Variants in STPG2 observed in about 807,000 individuals in gnomAD.
The protein encoded by STPG2 is sperm tail PG-rich repeat containing 2.
In STPG2, 56 loss-of-function variants were observed where a neutral mutation model predicts 54.2. The ratio of observed to expected loss-of-function variants is 1.03; its 90% confidence interval spans 0.83 to 1.29. The LOEUF (loss-of-function observed/expected upper bound fraction) is 1.29, where lower values mean the gene tolerates loss of function less well. STPG2 is among the 50% of genes most tolerant of loss of function. The pLI is 0.00. For synonymous variants in STPG2, 200 were observed against 181.8 expected (o/e 1.10, Z -0.81); for missense variants, 596 against 544.9 (o/e 1.09, Z -0.93).
intron 4 of STPG2, among the ~76,000 whole-genome samples, chr4:97,483,839 C>T (rs762932950): frequency 6.6e-6 from 1 of 151,802 alleles, no homozygotes; most frequent in Non-Finnish European, 1.5e-5. Flanking sequence ...AAACAAGCCT[C>T]ATTAAATTTA....
intron 4 of STPG2, among the ~76,000 whole-genome samples, chr4:97,531,019 A>T (rs1340273728): frequency 6.6e-6 from 1 of 152,230 alleles, no homozygotes; most frequent in Non-Finnish European, 1.5e-5. Flanking sequence ...AAAATTTTAT[A>T]ATCTGATTTA....
At chr4:97,485,743 C>T (rs926690054) in intron 4 of STPG2, among the ~76,000 whole-genome samples, 3 of 151,790 alleles carry the variant, frequency 2.0e-5, no homozygotes, top group Non-Finnish European at 3.0e-5. Context: ...CAATGCAAGA[C>T]TAAGCAAAAA....
At chr4:98,021,467 G>C (rs1168334726) in intron 5 of STPG2, among the ~76,000 whole-genome samples, 2 of 151,820 alleles carry the variant, frequency 1.3e-5, no homozygotes, top group Non-Finnish European at 1.5e-5. Context: ...AATAGGTGTG[G>C]TGTGATGCTG....
chr4:97,996,144 A>G (rs1735201136), intron 5 of STPG2, among the ~76,000 whole-genome samples: 1 of 152,212 alleles, frequency 6.6e-6, no homozygotes, highest in African/African-American at 2.4e-5. Flanking sequence ...AGTAATTCTA[A>G]GCAAAAAGAA....
chr4:97,620,262 G>T (rs1733977991), intron 10 of STPG2, among the ~76,000 whole-genome samples: 2 of 152,182 alleles, frequency 1.3e-5, no homozygotes, highest in African/African-American at 4.8e-5. Flanking sequence ...ATTTTTGAAA[G>T]AGTTATAAAA....
chr4:97,798,622 A>G (rs1440354113), intron 9 of STPG2, among the ~76,000 whole-genome samples: 7 of 143,194 alleles, frequency 4.9e-5, no homozygotes, highest in Non-Finnish European at 1.1e-4. Flanking sequence ...CAATTTTGGA[A>G]TAAGTGTGAT....
chr4:97,505,653 A>T (rs1730828427), intron 4 of STPG2, among the ~76,000 whole-genome samples: 1 of 151,954 alleles, frequency 6.6e-6, no homozygotes, highest in Non-Finnish European at 1.5e-5. Context: ...ATTTTGACAC[A>T]TAGTGTGTAA....
At chr4:98,105,871 A>C in intron 5 of STPG2, 82 bp downstream of exon 5, 1 of 1,222,212 alleles carries the variant, frequency 8.2e-7, no homozygotes, top group South Asian at 1.4e-5. Context: ...CATTAGATCA[A>C]AGAGCACAGT....
At chr4:97,466,125 A>G (rs985112359) in intron 4 of STPG2, among the ~76,000 whole-genome samples, 3 of 152,122 alleles carry the variant, frequency 2.0e-5, no homozygotes, top group African/African-American at 7.2e-5. Context: ...AGGTAATAAA[A>G]AAGCATATCC....
chr4:98,030,776 G>A (rs1736569701), intron 5 of STPG2, among the ~76,000 whole-genome samples: 1 of 152,102 alleles, frequency 6.6e-6, no homozygotes, highest in South Asian at 2.1e-4. Context: ...ACAAAAACAA[G>A]CAATGGGGAA....
chr4:97,662,401 A>G (rs1722399087), intron 10 of STPG2, among the ~76,000 whole-genome samples: 1 of 152,194 alleles, frequency 6.6e-6, no homozygotes, highest in Non-Finnish European at 1.5e-5. Context: ...GGTTGCAAAA[A>G]GGAATGCTTA....
chr4:97,465,829 G>A (rs575512714), intron 4 of STPG2, among the ~76,000 whole-genome samples: 1 of 151,742 alleles, frequency 6.6e-6, no homozygotes, highest in Non-Finnish European at 1.5e-5. Flanking sequence ...CAATATTTTT[G>A]ATCCATGGTT....
chr4:97,845,589 T>A, intron 8 of STPG2, among the ~76,000 whole-genome samples: 1 of 152,296 alleles, frequency 6.6e-6, no homozygotes, highest in East Asian at 1.9e-4. Context: ...TGACCGACCA[T>A]GACTATTTAC....
intron 8 of STPG2, among the ~76,000 whole-genome samples, chr4:97,877,126 T>C (rs528423555): frequency 6.6e-6 from 1 of 152,218 alleles, no homozygotes; most frequent in Non-Finnish European, 1.5e-5. Flanking sequence ...ATTTTAGCAA[T>C]TTTGAAATAT....
chr4:97,679,107 A>G (rs1441420375), intron 10 of STPG2, among the ~76,000 whole-genome samples: 4 of 152,016 alleles, frequency 2.6e-5, no homozygotes, highest in South Asian at 2.1e-4. Flanking sequence ...TGTCTTTATA[A>G]CAGCATGATT....
intron 9 of STPG2, among the ~76,000 whole-genome samples, chr4:97,758,057 A>AG (rs1725783181): frequency 6.6e-6 from 1 of 152,194 alleles, no homozygotes; most frequent in Non-Finnish European, 1.5e-5. Context: ...TCTAGGCTCT[A>AG]GGGGTTTCTG....
At chr4:97,965,115 G>C (rs1363469560) in intron 7 of STPG2, among the ~76,000 whole-genome samples, 1 of 152,178 alleles carries the variant, frequency 6.6e-6, no homozygotes, top group African/African-American at 2.4e-5. Flanking sequence ...ACTGTACCTG[G>C]AAAATTGTTT....
intron 4 of STPG2, among the ~76,000 whole-genome samples, chr4:98,106,379 C>A (rs1234388925): frequency 6.6e-6 from 1 of 151,732 alleles, no homozygotes; most frequent in African/African-American, 2.4e-5. Flanking sequence ...AGTCTATGTA[C>A]CATTAAAAGT....
At chr4:97,936,270 T>C (rs1229245222) in intron 8 of STPG2, among the ~76,000 whole-genome samples, 1 of 152,198 alleles carries the variant, frequency 6.6e-6, no homozygotes, top group Non-Finnish European at 1.5e-5. Context: ...CCTAAGTGTG[T>C]CTTTCTGCAT....
Sources: allele counts gnomAD v4.1 joint callset (sites outside exome capture counted in the v4.1 genomes callset), GRCh38; gene constraint gnomAD v4.1.1; transcripts MANE v1.5; gene names NCBI Gene and HGNC (gene_info 2026-07-23, HGNC 2026-07-21).